The following ARNT variants were observed in gnomAD, a reference collection of about 807,000 sequenced individuals.
ARNT encodes the protein aryl hydrocarbon receptor nuclear translocator.
A neutral mutation model predicts 105.0 loss-of-function variants in ARNT; 30 were observed. The ratio of observed to expected loss-of-function variants is 0.29; its 90% CI spans 0.21 to 0.39. The LOEUF is 0.39. Among genes scored for constraint, ARNT ranks in the 10% least tolerant of loss-of-function variants. The probability of loss-of-function intolerance (pLI) is 1.00; values close to 1 mark genes in which losing one functional copy is unlikely to be tolerated. For synonymous variants in ARNT, 304 were observed against 344.0 expected (o/e 0.88, Z 1.29); for missense variants, 748 against 978.7 (o/e 0.76, Z 3.15).
intron 6 of ARNT, 140 bp from the exon 7 acceptor site, chr1:150,836,633 A>T (rs1468721092): frequency 1.2e-6 from 1 of 808,540 alleles, no homozygotes; most frequent in Non-Finnish European, 1.9e-6. Flanking sequence ...CCACAGCCAC[A>T]GGTTTCCACC....
intron 1 of ARNT, among the ~76,000 whole-genome samples, chr1:150,859,066 C>G (rs1176703213): frequency 6.9e-6 from 1 of 144,780 alleles, no homozygotes; most frequent in African/African-American, 2.5e-5. Context: ...ATTGTATAGA[C>G]TTAATAATAT....
At chr1:150,864,526 A>C (rs587601654) in intron 1 of ARNT, among the ~76,000 whole-genome samples, 1 of 147,174 alleles carries the variant, frequency 6.8e-6, no homozygotes, top group Admixed American at 7.0e-5. Context: ...AAAACCAAAC[A>C]CCGCATATTC....
intron 3 of ARNT, among the ~76,000 whole-genome samples, chr1:150,846,671 TGAG>T (rs1203394445): frequency 6.6e-6 from 1 of 152,190 alleles, no homozygotes; most frequent in Non-Finnish European, 1.5e-5. Flanking sequence ...AGTGTACAGT[TGAG>T]TAGTGCTAAC....
At chr1:150,850,449 T>C (rs946108319) in intron 3 of ARNT, among the ~76,000 whole-genome samples, 1 of 152,106 alleles carries the variant, frequency 6.6e-6, no homozygotes, top group African/African-American at 2.4e-5. Context: ...GCCTGACTGG[T>C]TTTCGTATTT....
intron 7 of ARNT, 148 bp from the exon 8 acceptor site, chr1:150,834,788 T>A (rs1301964947): frequency 8.5e-6 from 5 of 586,700 alleles, no homozygotes; most frequent in Non-Finnish European, 1.5e-5. Flanking sequence ...GGAGATGAAT[T>A]TTTTTTCAAG....
At chr1:150,825,588 T>C (rs981080236) in intron 13 of ARNT, among the ~76,000 whole-genome samples, 4 of 152,112 alleles carry the variant, frequency 2.6e-5, no homozygotes, top group African/African-American at 9.7e-5. Context: ...CAATGGCTCA[T>C]GCCTGTAATC....
intron 3 of ARNT, among the ~76,000 whole-genome samples, chr1:150,850,938 C>T (rs1274894330): frequency 6.6e-6 from 1 of 151,870 alleles, no homozygotes; most frequent in Non-Finnish European, 1.5e-5. Flanking sequence ...GCCACGACCC[C>T]GTCTGGGAGG....
intron 1 of ARNT, among the ~76,000 whole-genome samples, chr1:150,873,573 A>C (rs961234076): frequency 1.1e-4 from 17 of 152,134 alleles, no homozygotes; most frequent in African/African-American, 4.1e-4. Flanking sequence ...CCCTTGAAAA[A>C]CACTGCAGGG....
intron 1 of ARNT, among the ~76,000 whole-genome samples, chr1:150,860,584 G>A (rs188183492): frequency 4.6e-5 from 7 of 151,876 alleles, no homozygotes; most frequent in African/African-American, 9.7e-5. Flanking sequence ...GGCCAGGCAC[G>A]GTGGCTCACA....
At chr1:150,837,727 G>GC (rs1016915798) in intron 6 of ARNT, among the ~76,000 whole-genome samples, 3 of 151,966 alleles carry the variant, frequency 2.0e-5, no homozygotes, top group Admixed American at 2.0e-4. Context: ...CAAGTCTATA[G>GC]CCCTAGACAT....
chr1:150,865,660 A>T (rs1310660804), intron 1 of ARNT, among the ~76,000 whole-genome samples: 2 of 152,232 alleles, frequency 1.3e-5, no homozygotes, highest in Non-Finnish European at 2.9e-5. Context: ...CAAAGGTCTT[A>T]CAGTCTAGTG....
Position 150,811,718 on chromosome 1 carries a change from T to G in ARNT, c.*303A>C, listed in dbSNP as rs1050233820. 2.3e-5 allele frequency: 6 copies of G among 257,910 alleles called. No homozygotes were observed. The highest frequency in any genetic ancestry group is 1.1e-4 in the Admixed American group (2 of 18,458). 16.0% of individuals were successfully genotyped at this position (257,910 alleles called of 1,614,324 possible). Reference sequence around the variant, plus strand: ...CAGGTTCTTCTAACCTGCCTCTTGATCTCAGCACAAATCAACACTATACAA... The same window carrying G: ...CAGGTTCTTCTAACCTGCCTCTTGAGCTCAGCACAAATCAACACTATACAA... On this transcript the variant is annotated 3_prime_UTR_variant, in exon 22 of 22. Coordinates refer to ENST00000358595, the MANE Select transcript of ARNT (RefSeq NM_001668.4).
chr1:150,832,454 T>C, intron 8 of ARNT, 55 bp from the exon 9 acceptor site: 1 of 1,535,218 alleles, frequency 6.5e-7, no homozygotes, highest in South Asian at 1.1e-5. Flanking sequence ...TCAAAGAACT[T>C]TCCACAGTAA....
chr1:150,834,572 T>G lies in ARNT; in HGVS notation c.769A>C (p.Met257Leu). The change falls in exon 8 of 22, where the codon ATG becomes CTG. Residue 257 changes from methionine (M) to leucine (L), a missense_variant. This residue lies in a region of ARNT where 291 missense variants were observed against 444.6 expected (regional missense o/e 0.65). Coordinates refer to ENST00000358595, the MANE Select transcript of ARNT (RefSeq NM_001668.4). ...EGQQSSMRMC[M>L]GSRRSFICRM... ...CAAATAAACGATCTCCTTGAGCCCA[T>G]ACACATTCTCATGGAAGACTGCTGA... The G allele has an allele frequency of 1.2e-6, 2 of 1,614,096 alleles. No individual in the cohort carries two copies. Among genetic ancestry groups the G allele is most frequent in the Non-Finnish European group, 1.7e-6 (2 of 1,179,978 alleles).
In ARNT at chr1:150,832,322, T is replaced by C. The variant is rs1294167913; in HGVS notation, c.869+12A>G. 4 of 1,614,104 alleles carry C rather than the reference T, an allele frequency of 2.5e-6. No individual in the cohort carries two copies. The East Asian group carries it at 6.7e-5, about 27-fold the overall frequency. ...TGGCCATCCCTTTGGTTTTCACCACTTAGGATCTCACCTGCATCTGTTCCT... is the reference window on the plus strand; with the variant it reads ...TGGCCATCCCTTTGGTTTTCACCACCTAGGATCTCACCTGCATCTGTTCCT... On this transcript the variant is annotated intron_variant, in intron 9 of 21. Coordinates refer to ENST00000358595, the MANE Select transcript of ARNT (RefSeq NM_001668.4).
intron 3 of ARNT, among the ~76,000 whole-genome samples, chr1:150,846,988 T>C (rs1214782131): frequency 1.3e-5 from 2 of 152,238 alleles, no homozygotes; most frequent in Non-Finnish European, 2.9e-5. Context: ...TGTATGTACA[T>C]ACTACATTTT....
intron 1 of ARNT, among the ~76,000 whole-genome samples, chr1:150,865,762 G>C: frequency 6.6e-6 from 1 of 152,044 alleles, no homozygotes; most frequent in East Asian, 1.9e-4. Context: ...TTTTTCTTCT[G>C]TGTTATACTG....
chr1:150,853,574 T>C (rs1664028628), intron 2 of ARNT, among the ~76,000 whole-genome samples: 2 of 152,254 alleles, frequency 1.3e-5, no homozygotes, highest in African/African-American at 4.8e-5. Flanking sequence ...TGTTAGATAA[T>C]GTTTCTTTCC....
chr1:150,866,312 C>A (rs1666586108), intron 1 of ARNT, among the ~76,000 whole-genome samples: 1 of 152,126 alleles, frequency 6.6e-6, no homozygotes, highest in Admixed American at 6.6e-5. Flanking sequence ...TACTTTCCAG[C>A]ATGACTACTG....
Sources: allele counts gnomAD v4.1 joint callset (sites outside exome capture counted in the v4.1 genomes callset), GRCh38; gene constraint gnomAD v4.1.1; regional missense constraint gnomAD v4.1.1; transcripts MANE v1.5; gene names NCBI Gene and HGNC (gene_info 2026-07-23, HGNC 2026-07-21).